Variants in GPC3 observed in about 807,000 individuals in gnomAD.
GPC3 encodes the protein glypican 3.
GPC3 carries 3 observed loss-of-function variants against 34.4 expected under a neutral mutation model. That is an observed-to-expected ratio of 0.09 (90% CI 0.04 to 0.23). The LOEUF is 0.23. GPC3 is among the 10% of genes least tolerant of loss of function. The pLI, the probability that GPC3 is intolerant of heterozygous loss-of-function variation, is 1.00. For synonymous variants in GPC3, 177 were observed against 174.0 expected, an observed-to-expected ratio of 1.02 and a Z score of -0.13; for missense variants, 351 against 445.6, an observed-to-expected ratio of 0.79 and a Z score of 1.91.
chrX:133,676,646 T>C (rs2070886647), intron 5 of GPC3, among the ~76,000 whole-genome samples: 1 of 112,241 alleles, frequency 8.9e-6, no homozygotes. Flanking sequence ...GCTGTACACA[T>C]GGAGGTGCTA....
chrX:133,776,880 T>TTC (rs1422680699), intron 2 of GPC3, among the ~76,000 whole-genome samples: 8 of 90,715 alleles, frequency 8.8e-5, no homozygotes, highest in South Asian at 1.1e-3. Context: ...TTTCTTTTCT[T>TTC]TTTTTTTTTT....
At chrX:133,609,037 C>A (rs1328116866) in intron 6 of GPC3, among the ~76,000 whole-genome samples, 1 of 111,749 alleles carries the variant, frequency 8.9e-6, no homozygotes, top group Non-Finnish European at 1.9e-5. Flanking sequence ...TCTAATCATA[C>A]ACCTTTACAG....
chrX:133,943,655 C>T (rs1430702364), intron 2 of GPC3, among the ~76,000 whole-genome samples: 2 of 112,302 alleles, frequency 1.8e-5, no homozygotes, highest in African/African-American at 6.5e-5. Flanking sequence ...CTTCTCTTCC[C>T]TTCAGGTCCT....
In GPC3 at chrX:133,965,544, T is replaced by C. The variant is rs181106662; in HGVS notation, c.176-12333A>G. ...ACCAGAAGCCGGAAGAGGCGAGGAA[T>C]GATTCTCTCTGAGAATCTATGAAGA... is the stretch of plus-strand genomic sequence containing the variant. On this transcript the variant is annotated intron_variant, in intron 1 of 7. Transcript: ENST00000370818. Among the ~76,000 whole-genome samples the C allele has an allele frequency of 4.5e-5, 5 of 111,550 alleles. No individual in the cohort carries two copies. The East Asian group carries it at 1.1e-3, about 25-fold the overall frequency.
intron 2 of GPC3, among the ~76,000 whole-genome samples, chrX:133,924,802 C>T (rs1255072420): frequency 9.0e-6 from 1 of 111,494 alleles, no homozygotes; most frequent in Non-Finnish European, 1.9e-5. Context: ...CCTAGGAAAA[C>T]TGAGGGCAGT....
chrX:133,889,629 T>C (rs1321443249), intron 2 of GPC3, among the ~76,000 whole-genome samples: 1 of 110,349 alleles, frequency 9.1e-6, no homozygotes, highest in African/African-American at 3.3e-5. Context: ...TTATTTTTTC[T>C]ATTTTTTTTT....
Position 133,972,382 on chromosome X carries a change from C to T in GPC3, c.175+12893G>A, listed in dbSNP as rs746458548. ...TCTGGAGATGGCCAAGTAAGATATA[C>T]CCCAGAATGCCAGCAAAAGAAAAAG... On this transcript the variant is annotated intron_variant, in intron 1 of 7. Transcript: ENST00000370818. Among the ~76,000 whole-genome samples the T allele has an allele frequency of 3.6e-5, 4 of 112,148 alleles. No homozygotes were observed. The South Asian group carries it at 1.5e-3, about 42-fold the overall frequency.
chrX:133,854,660 TGTTCCAAAAAAAA>T (rs2075891555), intron 2 of GPC3, among the ~76,000 whole-genome samples: 1 of 112,063 alleles, frequency 8.9e-6, no homozygotes, highest in African/African-American at 3.2e-5. Context: ...AAAACTGAGT[TGTTCCAAAAAAAA>T]GTTCAATCTC....
At chrX:133,736,428 T>C (rs762726607) in intron 3 of GPC3, among the ~76,000 whole-genome samples, 141 of 112,007 alleles carry the variant, frequency 1.3e-3, no homozygotes, top group African/African-American at 4.5e-3. Flanking sequence ...TGTGCACAAA[T>C]GTTCATAGCA....
At chrX:133,734,572 A>T (rs1221419490) in intron 3 of GPC3, among the ~76,000 whole-genome samples, 1 of 110,551 alleles carries the variant, frequency 9.0e-6, no homozygotes, top group Non-Finnish European at 1.9e-5. Context: ...AAGAAGAAAA[A>T]AAAAGAGAGA....
At chrX:133,851,473 T>G (rs893361809) in intron 2 of GPC3, among the ~76,000 whole-genome samples, 1 of 112,004 alleles carries the variant, frequency 8.9e-6, no homozygotes, top group Admixed American at 9.5e-5. Context: ...CTTGTTATAG[T>G]GCAGATTGCA....
At chrX:133,943,895 C>T (rs1286677262) in intron 2 of GPC3, among the ~76,000 whole-genome samples, 16 of 111,466 alleles carry the variant, frequency 1.4e-4, no homozygotes, top group East Asian at 2.8e-4. Flanking sequence ...TCTCAATGGG[C>T]GAGCAAAACC....
chrX:133,979,644 T>C (rs2076530154), intron 1 of GPC3, among the ~76,000 whole-genome samples: 1 of 111,716 alleles, frequency 9.0e-6, no homozygotes, highest in Admixed American at 9.5e-5. Flanking sequence ...CACCTTCACC[T>C]TGATTTTTGA....
chrX:133,958,886 G>GA (rs767192117), intron 1 of GPC3, among the ~76,000 whole-genome samples: 1,535 of 60,499 alleles, frequency 0.025, 21 homozygotes, highest in African/African-American at 0.043. Context: ...ACTTCGTCTC[G>GA]AAAAAAAAAA....
At chrX:133,955,776 G>A (rs1056639755) in intron 1 of GPC3, among the ~76,000 whole-genome samples, 4 of 111,798 alleles carry the variant, frequency 3.6e-5, no homozygotes, top group Non-Finnish European at 5.6e-5. Flanking sequence ...CCTCAGAAAA[G>A]CAAGTTTCAA....
At chrX:133,772,229 G>A (rs2071930329) in intron 2 of GPC3, among the ~76,000 whole-genome samples, 1 of 111,352 alleles carries the variant, frequency 9.0e-6, no homozygotes, top group African/African-American at 3.3e-5. Flanking sequence ...TTTTTTTTAA[G>A]CTAAGGGGTT....
chrX:133,838,030 T>C (rs1292436851), intron 2 of GPC3, among the ~76,000 whole-genome samples: 2 of 112,268 alleles, frequency 1.8e-5, no homozygotes, highest in Non-Finnish European at 3.8e-5. Context: ...AAACAAACAG[T>C]AATTCTTAAA....
intron 2 of GPC3, among the ~76,000 whole-genome samples, chrX:133,801,431 A>G (rs1011953632): frequency 8.9e-6 from 1 of 112,066 alleles, no homozygotes; most frequent in Non-Finnish European, 1.9e-5. Flanking sequence ...GCTTGCTAAC[A>G]TGTGTTTATA....
intron 6 of GPC3, among the ~76,000 whole-genome samples, chrX:133,614,241 A>T (rs1367725924): frequency 1.8e-5 from 2 of 111,541 alleles, no homozygotes; most frequent in African/African-American, 6.5e-5. Context: ...GAAAAACATA[A>T]ATTTATGTGT....
Sources: gnomAD v4.1 joint callset for allele counts (sites outside exome capture counted in the v4.1 genomes callset) on GRCh38, gnomAD v4.1.1 for gene constraint, MANE v1.5 for transcripts, NCBI Gene and HGNC (gene_info 2026-07-23, HGNC 2026-07-21) for gene names.